Variants in ERC1 observed in about 807,000 individuals in gnomAD.
ERC1 encodes ELKS/RAB6-interacting/CAST family member 1.
A neutral mutation model predicts 132.0 loss-of-function variants in ERC1; 56 were observed. The observed-to-expected ratio is 0.42, with a 90% CI of 0.34 to 0.53. The LOEUF (loss-of-function observed/expected upper bound fraction) is 0.53. Ranked by LOEUF, ERC1 falls within the 20% of genes least tolerant of loss-of-function variation. ERC1 has a pLI of 0.03. For missense variants in ERC1, 1,202 were observed against 1,349.9 expected (o/e 0.89, Z 1.72); for synonymous variants, 478 against 476.1 (o/e 1.00, Z -0.05).
At chr12:1,163,064 C>G (rs545385437) in intron 8 of ERC1, among the ~76,000 whole-genome samples, 1 of 152,086 alleles carries the variant, frequency 6.6e-6, no homozygotes. Context: ...GAAATATACT[C>G]TGTGTAAATT....
chr12:1,345,028 G>A (rs1049872286), intron 15 of ERC1, among the ~76,000 whole-genome samples: 1 of 151,984 alleles, frequency 6.6e-6, no homozygotes, highest in Non-Finnish European at 1.5e-5. Context: ...CAATTGCCTA[G>A]AAAATAATCA....
chr12:1,339,836 G>C (rs979018690), intron 15 of ERC1, among the ~76,000 whole-genome samples: 3 of 152,182 alleles, frequency 2.0e-5, no homozygotes, highest in Non-Finnish European at 2.9e-5. Context: ...TCCTGTGGCA[G>C]TGTTGGCACA....
chr12:1,082,443 C>T (rs1431384867), intron 2 of ERC1, among the ~76,000 whole-genome samples: 7 of 149,476 alleles, frequency 4.7e-5, no homozygotes, highest in Non-Finnish European at 7.4e-5. Flanking sequence ...TGTGAGCCCC[C>T]GCGCCTGGCC....
At chr12:1,351,128 C>T (rs1158362146) in intron 15 of ERC1, among the ~76,000 whole-genome samples, 1 of 152,196 alleles carries the variant, frequency 6.6e-6, no homozygotes, top group Non-Finnish European at 1.5e-5. Flanking sequence ...TGGGGACAGA[C>T]AAACCATATC....
In ERC1 at chr12:1,394,313, TG is replaced by T. The variant is rs1262956264; in HGVS notation, c.2926-13834del. On this transcript the variant is annotated intron_variant, in intron 16 of 18. Coordinates refer to ENST00000360905, the MANE Select transcript of ERC1 (RefSeq NM_178040.4). ...TACTGGGGAGGCTGAGGCAGGAGAA[TG>T]GTGTGAACCTGGGAGGCGGAGCTTG... 5.1e-4 allele frequency among the ~76,000 whole-genome samples: 77 copies of T among 151,856 alleles called. 3 individuals carry two copies. The highest frequency in any genetic ancestry group is 4.9e-3 in the Admixed American group (75 of 15,240).
In ERC1 at chr12:1,049,559, T is replaced by G. The variant is rs562358098; in HGVS notation, c.669+20987T>G. On this transcript the variant is annotated intron_variant, in intron 2 of 18. Transcript: ENST00000360905. ...AGGTTGGTTGAGAACCACTGGCTAC[T>G]ACAAATGGATAAGAGTTGGTAGTGT... Among the ~76,000 whole-genome samples, 4 of 152,290 alleles carry G rather than the reference T, an allele frequency of 2.6e-5. No individual in the cohort carries two copies. The South Asian group carries it at 8.3e-4, about 32-fold the overall frequency.
At chr12:1,378,858 C>A (rs1299163734) in intron 16 of ERC1, among the ~76,000 whole-genome samples, 1 of 152,174 alleles carries the variant, frequency 6.6e-6, no homozygotes, top group Admixed American at 6.5e-5. Context: ...CTTCAGATGA[C>A]ATCCTGAAAT....
At chr12:1,404,579 G>C (rs1206792279) in intron 16 of ERC1, among the ~76,000 whole-genome samples, 1 of 152,194 alleles carries the variant, frequency 6.6e-6, no homozygotes, top group Non-Finnish European at 1.5e-5. Flanking sequence ...ACCAGTGATA[G>C]AACTAGATAT....
At chr12:1,104,492 A>G (rs11837466) in intron 3 of ERC1, among the ~76,000 whole-genome samples, 6,447 of 152,250 alleles carry the variant, frequency 0.042, 460 homozygotes, top group African/African-American at 0.15. Context: ...TTCAGCTGTT[A>G]TGGTAGCTCG....
At chr12:1,208,345 A>G (rs539869757) in intron 12 of ERC1, among the ~76,000 whole-genome samples, 1 of 120,616 alleles carries the variant, frequency 8.3e-6, no homozygotes, top group African/African-American at 4.1e-5. Flanking sequence ...AAACATTATC[A>G]GCTTTTTTTC....
chr12:1,323,649 TTTAAG>T (rs2082260558), intron 15 of ERC1, among the ~76,000 whole-genome samples: 1 of 152,204 alleles, frequency 6.6e-6, no homozygotes, highest in African/African-American at 2.4e-5. Flanking sequence ...TCATTGTTCT[TTTAAG>T]TTTTTTTCTC....
chr12:1,259,679 C>A (rs1369054661), intron 13 of ERC1, among the ~76,000 whole-genome samples: 1 of 151,956 alleles, frequency 6.6e-6, no homozygotes, highest in South Asian at 2.1e-4. Flanking sequence ...CCCGCCACAA[C>A]GCCCAGCTAA....
At chr12:1,007,534 C>CTGTGTGTGTG (rs1462934116) in intron 1 of ERC1, among the ~76,000 whole-genome samples, 1 of 68,460 alleles carries the variant, frequency 1.5e-5, no homozygotes. Context: ...CTCTCTCTCT[C>CTGTGTGTGTG]TCTCTCTGTG....
chr12:1,327,784 C>A (rs1356646174), intron 15 of ERC1, among the ~76,000 whole-genome samples: 1 of 152,208 alleles, frequency 6.6e-6, no homozygotes, highest in Non-Finnish European at 1.5e-5. Context: ...CTGCCAACTG[C>A]ACCTGACAGC....
rs1176084776 is a variant in ERC1 at position 1,066,880 on chromosome 12, C to T, written c.670-16284C>T. ...TTAGCAAGAAGGATCTTATTACGAA[C>T]TTATGTTTATTTGAGTTTGGTATTT... is the stretch of plus-strand genomic sequence containing the variant. On this transcript the variant is annotated intron_variant, in intron 2 of 18. Coordinates refer to ENST00000360905, the MANE Select transcript of ERC1 (RefSeq NM_178040.4). 4.7e-5 allele frequency among the ~76,000 whole-genome samples: 7 copies of T among 150,320 alleles called. No homozygotes were observed. In the East Asian group the frequency reaches 9.7e-4, roughly 21 times the overall value.
chr12:1,268,499 A>G (rs1183283691), intron 14 of ERC1, among the ~76,000 whole-genome samples: 1 of 152,216 alleles, frequency 6.6e-6, no homozygotes, highest in Non-Finnish European at 1.5e-5. Context: ...GACAACTACC[A>G]TGGTAGAGGT....
intron 14 of ERC1, among the ~76,000 whole-genome samples, chr12:1,267,767 A>G (rs927448408): frequency 1.3e-4 from 20 of 152,216 alleles, no homozygotes; most frequent in African/African-American, 4.8e-4. Context: ...GTCTTTAAAA[A>G]TAATAATAAT....
chr12:1,138,870 G>C (rs1288117835), intron 7 of ERC1, among the ~76,000 whole-genome samples: 2 of 152,182 alleles, frequency 1.3e-5, no homozygotes, highest in Non-Finnish European at 2.9e-5. Flanking sequence ...GGTTAAGAGT[G>C]TGGGGTCTGG....
At chr12:1,148,010 G>A (rs1460026565) in intron 8 of ERC1, among the ~76,000 whole-genome samples, 1 of 152,122 alleles carries the variant, frequency 6.6e-6, no homozygotes, top group Non-Finnish European at 1.5e-5. Flanking sequence ...TTGAAAGATT[G>A]CGTGGGTCTT....
Sources: allele counts gnomAD v4.1 joint callset (sites outside exome capture counted in the v4.1 genomes callset), GRCh38; gene constraint gnomAD v4.1.1; transcripts MANE v1.5; gene names NCBI Gene and HGNC (gene_info 2026-07-23, HGNC 2026-07-21).